The following IMMP2L variants were observed in gnomAD, a reference collection of about 807,000 sequenced individuals.
IMMP2L encodes mitochondrial inner membrane protease subunit 2.
In IMMP2L, 18 loss-of-function variants were observed where a neutral mutation model predicts 19.3. That is an observed-to-expected ratio of 0.93 (90% CI 0.64 to 1.38). The LOEUF is 1.38. IMMP2L is among the 40% of genes most tolerant of loss of function. IMMP2L has a pLI of 0.00. For missense variants in IMMP2L, 233 were observed against 218.2 expected (o/e 1.07, Z -0.43); for synonymous variants, 76 against 73.0 (o/e 1.04, Z -0.21).
At chr7:111,516,914 T>C (rs1490646583) in intron 2 of IMMP2L, among the ~76,000 whole-genome samples, 2 of 152,042 alleles carry the variant, frequency 1.3e-5, no homozygotes, top group African/African-American at 4.8e-5. Context: ...GGAGGAAATG[T>C]GTGCCAGCTT....
intron 3 of IMMP2L, among the ~76,000 whole-genome samples, chr7:111,415,055 C>A (rs978736093): frequency 6.6e-6 from 1 of 151,796 alleles, no homozygotes; most frequent in Admixed American, 6.6e-5. Flanking sequence ...CAGTTGTCTT[C>A]GAGTTTGTCA....
intron 3 of IMMP2L, among the ~76,000 whole-genome samples, chr7:111,442,163 A>G (rs574400925): frequency 1.3e-5 from 2 of 151,922 alleles, no homozygotes; most frequent in African/African-American, 4.8e-5. Context: ...CAGGTAATAT[A>G]GTCTGAAATA....
At chr7:110,868,144 T>TGTGTGTGTGTGTGTGTGC (rs1554441899) in intron 5 of IMMP2L, among the ~76,000 whole-genome samples, 1 of 151,020 alleles carries the variant, frequency 6.6e-6, no homozygotes, top group South Asian at 2.1e-4. Flanking sequence ...TGTGTGTGTG[T>TGTGTGTGTGTGTGTGTGC]AACCAAGCTG....
intron 3 of IMMP2L, among the ~76,000 whole-genome samples, chr7:111,030,319 C>T (rs192338189): frequency 6.6e-6 from 1 of 152,102 alleles, no homozygotes; most frequent in African/African-American, 2.4e-5. Flanking sequence ...ACTGATGCTA[C>T]TTAAAAAAAA....
intron 3 of IMMP2L, among the ~76,000 whole-genome samples, chr7:111,284,320 T>C (rs1423070227): frequency 1.3e-5 from 2 of 152,212 alleles, no homozygotes; most frequent in African/African-American, 4.8e-5. Context: ...TGTGTTTCCA[T>C]AGCTTTTAAT....
At chr7:110,900,511 T>A (rs1811755533) in intron 4 of IMMP2L, among the ~76,000 whole-genome samples, 1 of 152,188 alleles carries the variant, frequency 6.6e-6, no homozygotes, top group Admixed American at 6.5e-5. Context: ...TTCTCCTCCA[T>A]CTTTAGTCAT....
At chr7:111,160,732 A>C (rs1004914411) in intron 3 of IMMP2L, among the ~76,000 whole-genome samples, 2 of 150,622 alleles carry the variant, frequency 1.3e-5, no homozygotes, top group Admixed American at 6.6e-5. Context: ...ATAAAGTAAA[A>C]GTAAAATTAA....
Position 111,124,083 on chromosome 7 carries a change from G to T in IMMP2L, c.240-160518C>A, listed in dbSNP as rs114705790. ...CTTCTAATCTAAATGTAGAAGCTGG[G>T]AGCTATGTTTCCTTTCACTGTAGAG... is the stretch of plus-strand genomic sequence containing the variant. On this transcript the variant is annotated intron_variant, in intron 3 of 5. Coordinates refer to ENST00000405709, the MANE Select transcript of IMMP2L (RefSeq NM_032549.4). 9.5e-4 allele frequency: 1,530 copies of T among 1,613,958 alleles called. 17 individuals are homozygous for T. The African/African-American group carries it at 0.019, about 20-fold the overall frequency.
At chr7:111,354,606 G>T (rs1463773840) in intron 3 of IMMP2L, among the ~76,000 whole-genome samples, 1 of 151,284 alleles carries the variant, frequency 6.6e-6, no homozygotes. Flanking sequence ...GAAAGAAAAT[G>T]TGTTATTTTG....
At chr7:110,723,247 T>C (rs1194547806) in intron 5 of IMMP2L, among the ~76,000 whole-genome samples, 1 of 152,200 alleles carries the variant, frequency 6.6e-6, no homozygotes, top group Non-Finnish European at 1.5e-5. Context: ...ACAGAAGTTA[T>C]GCATGTGTGT....
chr7:110,827,492 C>A (rs1033105069), intron 5 of IMMP2L, among the ~76,000 whole-genome samples: 7 of 152,128 alleles, frequency 4.6e-5, no homozygotes, highest in Non-Finnish European at 7.3e-5. Context: ...GATGAGGATG[C>A]CAAAATGAAT....
rs552468552 is a variant in IMMP2L at position 110,953,823 on chromosome 7, G to A, written c.305+9677C>T. On this transcript the variant is annotated intron_variant, in intron 4 of 5. Coordinates refer to ENST00000405709, the MANE Select transcript of IMMP2L (RefSeq NM_032549.4). ...TTTCTATTTCTCCACATCCTCTCCA[G>A]CATCTGTTGTTTCCTGACTTTTTAA... Among the ~76,000 whole-genome samples the A allele has an allele frequency of 4.6e-5, 7 of 152,202 alleles. No individual in the cohort carries two copies. In the East Asian group the frequency reaches 1.4e-3, roughly 30 times the overall value.
chr7:111,133,043 T>C (rs214859), intron 3 of IMMP2L, among the ~76,000 whole-genome samples: 14,908 of 151,952 alleles, frequency 0.098, 1,723 homozygotes, highest in African/African-American at 0.28. Flanking sequence ...TGTGTGTTAG[T>C]GCTCCTTCCA....
intron 1 of IMMP2L, among the ~76,000 whole-genome samples, chr7:111,528,186 G>A (rs891514658): frequency 3.3e-5 from 5 of 152,140 alleles, no homozygotes; most frequent in Non-Finnish European, 7.3e-5. Flanking sequence ...AATTGCCAAA[G>A]AATCATTCAG....
chr7:111,299,274 T>C (rs1821959706), intron 3 of IMMP2L, among the ~76,000 whole-genome samples: 1 of 152,122 alleles, frequency 6.6e-6, no homozygotes, highest in East Asian at 1.9e-4. Flanking sequence ...TCATTATGCA[T>C]AAATAATGTA....
chr7:111,354,010 G>A (rs1488608638), intron 3 of IMMP2L, among the ~76,000 whole-genome samples: 1 of 152,018 alleles, frequency 6.6e-6, no homozygotes, highest in Non-Finnish European at 1.5e-5. Context: ...AATTGAAGTG[G>A]TAAGACCAGA....
chr7:111,454,277 G>C (rs931722446), intron 3 of IMMP2L, among the ~76,000 whole-genome samples: 7 of 152,116 alleles, frequency 4.6e-5, no homozygotes. Context: ...GACCACAGGT[G>C]CAGGCCACCA....
rs75754455 is a variant in IMMP2L at position 111,271,747 on chromosome 7, C to T, written c.239+215491G>A. Among the ~76,000 whole-genome samples, 1,080 of 152,232 alleles carry T rather than the reference C, an allele frequency of 7.1e-3. 16 individuals carry two copies. Among genetic ancestry groups the T allele is most frequent in the African/African-American group, 0.025 (1,028 of 41,534 alleles). ...GATCAGGCTTATCTATCCAATTGAC[C>T]ATCTGGATATCTTGGAGAGTCCCTA... is the stretch of plus-strand genomic sequence containing the variant. On this transcript the variant is annotated intron_variant, in intron 3 of 5. Coordinates refer to ENST00000405709, the MANE Select transcript of IMMP2L (RefSeq NM_032549.4).
intron 2 of IMMP2L, among the ~76,000 whole-genome samples, chr7:111,503,209 A>G (rs374953734): frequency 6.6e-6 from 1 of 152,210 alleles, no homozygotes; most frequent in Non-Finnish European, 1.5e-5. Flanking sequence ...GCAAATAACT[A>G]GAAAATCTAG....
Sources: allele counts gnomAD v4.1 joint callset (sites outside exome capture counted in the v4.1 genomes callset), GRCh38; gene constraint gnomAD v4.1.1; transcripts MANE v1.5; gene names NCBI Gene and HGNC (gene_info 2026-07-23, HGNC 2026-07-21).